The following MYBPC3 variants were observed in gnomAD, a reference collection of about 807,000 sequenced individuals.
The protein encoded by MYBPC3 is myosin binding protein C3, also known as myosin-binding protein C, cardiac-type.
A neutral mutation model predicts 159.3 loss-of-function variants in MYBPC3; 108 were observed. That is an observed-to-expected ratio of 0.68 (90% confidence interval 0.58 to 0.80). MYBPC3 has a LOEUF of 0.80. MYBPC3 is among the 30% of genes least tolerant of loss of function. The pLI is 0.00. For synonymous variants in MYBPC3, 730 were observed against 702.0 expected (o/e 1.04, Z -0.63); for missense variants, 1,631 against 1,762.1 (o/e 0.93, Z 1.33).
chr11:47,334,402 A>G (rs1364399057), intron 27 of MYBPC3, among the ~76,000 whole-genome samples: 1 of 152,220 alleles, frequency 6.6e-6, no homozygotes, highest in African/African-American at 2.4e-5. Context: ...GACAAGGAAC[A>G]AAGGAATGGG....
Position 47,350,036 on chromosome 11 carries a change from T to C in MYBPC3, c.483A>G (p.Pro161=), listed in dbSNP as rs373133807. 3.2e-6 allele frequency: 5 copies of C among 1,562,702 alleles called. No individual in the cohort carries two copies. The highest frequency in any genetic ancestry group is 4.3e-6 in the Non-Finnish European group (5 of 1,153,414). ...DDPIGLFVMR[P]QDGEVTVGGS... ...CACCCACGGTCACCTCGCCATCCTG[T>C]GGCCGCATCACGAAGAGGCCAATGG... Residue 161 remains proline (P), a synonymous_variant, in exon 4 of 35, where the codon CCA becomes CCG. Transcript: ENST00000545968.
Position 47,351,326 on chromosome 11 carries a change from G to C in MYBPC3, c.205C>G (p.Arg69Gly). The C allele has an allele frequency of 6.3e-7, 1 of 1,591,892 alleles. No homozygotes were observed. The highest frequency in any genetic ancestry group is 8.6e-7 in the Non-Finnish European group (1 of 1,169,508). Residue 69 changes from arginine to glycine, a missense_variant, in exon 2 of 35, where the codon CGG (arginine) becomes GGG (glycine). Transcript: ENST00000545968. The surrounding 1 kb of genome is among the most constrained non-coding windows in gnomAD (Gnocchi z 4.2). ...TEGTRHTLTV[R>G]EVGPADQGSY... ...CCCTGGTCGGCAGGGCCCACTTCCC[G>C]CACTGTCAGCGTATGCCGTGTGCCC...
At position 47,343,020 on chromosome 11, in the gene MYBPC3, C is replaced by T. The variant is rs727503204; in HGVS notation, c.1351+1G>A. On this transcript the variant is annotated splice_donor_variant, in intron 15 of 34. Coordinates refer to ENST00000545968, the MANE Select transcript of MYBPC3 (RefSeq NM_000256.3). LOFTEE classifies it high-confidence loss of function. ...CCCACATCCTCAGGTCCCAGGCCCA[C>T]CTTTCACAAAGAGCTCCGTGCTACA... 2 of 1,613,238 alleles carry T rather than the reference C, an allele frequency of 1.2e-6. No individual in the cohort carries two copies. Among genetic ancestry groups the T allele is most frequent in the Non-Finnish European group, 8.5e-7 (1 of 1,179,770 alleles).
Position 47,333,929 on chromosome 11 carries a change from G to T in MYBPC3, c.2987C>A (p.Pro996His). The change falls in exon 28 of 35, where the codon CCT becomes CAT. Residue 996 changes from proline (P) to histidine (H), a missense_variant. Physicochemically the swap from Pro to His is moderately conservative, Grantham distance 77. Coordinates refer to ENST00000545968, the MANE Select transcript of MYBPC3 (RefSeq NM_000256.3). ...KVGEPVNLLIPFQGKPRPQVT... is the reference protein window; with the variant it reads ...KVGEPVNLLIHFQGKPRPQVT... ...GAAGGGGGCCAGTCCCACCTGGAAA[G>T]GGATGAGAAGGTTCACAGGCTCCCC... is the stretch of plus-strand genomic sequence containing the variant. The T allele has an allele frequency of 1.3e-6, 2 of 1,573,996 alleles. No homozygotes were observed. The highest frequency in any genetic ancestry group is 2.3e-5 in the East Asian group (1 of 42,600).
At position 47,335,947 on chromosome 11, in the gene MYBPC3, C is replaced by A; in HGVS notation, c.2667G>T (p.Lys889Asn). 1 of 1,567,338 alleles carries A rather than the reference C, an allele frequency of 6.4e-7. No homozygotes were observed. Among genetic ancestry groups the A allele is most frequent in the South Asian group, 1.2e-5 (1 of 84,378 alleles). Residue 889 changes from lysine (K) to asparagine (N), a missense_variant, in exon 26 of 35, where the codon AAG becomes AAT. Transcript: ENST00000545968. ...EDVSDTTVSLKWRPPERVGAG... is the reference protein window; with the variant it reads ...EDVSDTTVSLNWRPPERVGAG... ...CTCCCACGCGCTCTGGGGGCCGCCA[C>A]TTGAGGGAGACCGTGGTGTCAGAGA...
At chr11:47,339,892 T>C in intron 20 of MYBPC3, 102 bp from the exon 21 acceptor site, 2 of 1,339,378 alleles carry the variant, frequency 1.5e-6, no homozygotes, top group Non-Finnish European at 2.1e-6. Context: ...GTTATTGGTT[T>C]TTTAGATTTG....
chr11:47,334,969 C>T (rs2095880773), intron 27 of MYBPC3, 73 bp downstream of exon 27: 3 of 1,400,874 alleles, frequency 2.1e-6, no homozygotes, highest in South Asian at 1.8e-5. Context: ...CCCCAACTGT[C>T]CCCACCTCCA....
Position 47,335,895 on chromosome 11 carries a change from C to T in MYBPC3, c.2719G>A (p.Glu907Lys). The change falls in exon 26 of 35, where the codon GAG becomes AAG. Residue 907 changes from glutamate to lysine, a missense_variant. Coordinates refer to ENST00000545968, the MANE Select transcript of MYBPC3 (RefSeq NM_000256.3). ...GAGGLDGYSV[E>K]YCPEGCSEWV... Reference sequence around the variant, plus strand: ...CACTCACAGCCCTCTGGGCAGTACTCCACGCTGTAGCCATCCAGGCCTCCT... The same window carrying T: ...CACTCACAGCCCTCTGGGCAGTACTTCACGCTGTAGCCATCCAGGCCTCCT... The T allele has an allele frequency of 6.5e-7, 1 of 1,534,792 alleles. No individual in the cohort carries two copies. The highest frequency in any genetic ancestry group is 8.8e-7 in the Non-Finnish European group (1 of 1,138,546).
chr11:47,349,797 C>T lies in MYBPC3; in HGVS notation c.631G>A (p.Asp211Asn), dbSNP rs773414747. Residue 211 changes from aspartate (D) to asparagine (N), a missense_variant, in exon 5 of 35, where the codon GAC (aspartate) becomes AAC (asparagine). Coordinates refer to ENST00000545968, the MANE Select transcript of MYBPC3 (RefSeq NM_000256.3). ...ACCTTGCTGGCGCGGTCGTAGCTGT[C>T]GTGCAGCTGCAGGTGCTGGCCCACC... ...SKVGQHLQLH[D>N]SYDRASKVYL... The T allele has an allele frequency of 5.0e-6, 8 of 1,608,424 alleles. No homozygotes were observed. The highest frequency in any genetic ancestry group is 3.3e-5 in the Admixed American group (2 of 59,916).
chr11:47,340,352 G>A (rs2095887325), intron 20 of MYBPC3, among the ~76,000 whole-genome samples: 1 of 152,172 alleles, frequency 6.6e-6, no homozygotes, highest in Admixed American at 6.5e-5. Context: ...AATAAATCAG[G>A]AATCTGCCCT....
intron 27 of MYBPC3, 134 bp from the exon 28 acceptor site, chr11:47,334,144 C>T: frequency 1.2e-6 from 1 of 814,584 alleles, no homozygotes; most frequent in Non-Finnish European, 1.9e-6. Context: ...CCTGCGCCTC[C>T]TTTAGCTCCT....
At position 47,333,907 on chromosome 11, in the gene MYBPC3, G is replaced by T; in HGVS notation, c.2994+15C>A. On this transcript the variant is annotated intron_variant, in intron 28 of 34. Coordinates refer to ENST00000545968, the MANE Select transcript of MYBPC3 (RefSeq NM_000256.3). Reference sequence around the variant, plus strand: ...CCTCTCTCCCCTGGGGGACAGGGAAGGGGGCCAGTCCCACCTGGAAAGGGA... The same window carrying T: ...CCTCTCTCCCCTGGGGGACAGGGAATGGGGCCAGTCCCACCTGGAAAGGGA... 1 of 1,564,122 alleles carries T rather than the reference G, an allele frequency of 6.4e-7. No individual in the cohort carries two copies. The highest frequency in any genetic ancestry group is 2.4e-5 in the East Asian group (1 of 41,958).
At chr11:47,349,480 G>A (rs1005592249) in intron 5 of MYBPC3, among the ~76,000 whole-genome samples, 9 of 149,674 alleles carry the variant, frequency 6.0e-5, no homozygotes, top group South Asian at 2.1e-4. Context: ...CACCCTGGGC[G>A]ACCCCCCACC....
intron 14 of MYBPC3, 23 bp from the exon 15 acceptor site, chr11:47,343,168 T>C (rs368038984): frequency 1.2e-6 from 2 of 1,605,960 alleles, no homozygotes; most frequent in Non-Finnish European, 8.5e-7. Flanking sequence ...CGCAGGGAAG[T>C]GGCAGGAAAG....
At chr11:47,352,562 TC>T (rs766060497) in intron 1 of MYBPC3, 60 bp downstream of exon 1, 2 of 1,591,606 alleles carry the variant, frequency 1.3e-6, no homozygotes, top group Non-Finnish European at 8.6e-7. Flanking sequence ...CTAGCCCTGC[TC>T]CCCAATTGTA....
chr11:47,341,961 C>T, intron 18 of MYBPC3, 30 bp downstream of exon 18: 2 of 1,552,178 alleles, frequency 1.3e-6, no homozygotes, highest in Middle Eastern at 1.7e-4. Context: ...CAGTCTCCAC[C>T]TGTCCCATCC....
rs1239729060 is a variant in MYBPC3, at chr11:47,333,318, G to A, written c.3206C>T (p.Pro1069Leu). 1 of 1,582,734 alleles carries A rather than the reference G, an allele frequency of 6.3e-7. No homozygotes were observed. Among genetic ancestry groups the A allele is most frequent in the Non-Finnish European group, 8.6e-7 (1 of 1,162,866 alleles). Residue 1069 changes from proline to leucine, a missense_variant, in exon 30 of 35, where the codon CCC becomes CTC. Pro to Leu is a moderately conservative substitution (Grantham distance 98). Transcript: ENST00000545968. Reference protein sequence around the residue: ...VLQVVDKPSPPQDLRVTDAWG... With the variant: ...VLQVVDKPSPLQDLRVTDAWG... The stretch of plus-strand genomic sequence containing the variant: ...GGCGTCAGTCACCCGGAGATCCTGG[G>A]GAGGACTTGGCTTGTCTGCGGGAGA...
At chr11:47,343,718 C>A (rs879732708) in intron 12 of MYBPC3, 94 bp from the exon 13 acceptor site, 10 of 1,260,364 alleles carry the variant, frequency 7.9e-6, no homozygotes, top group South Asian at 4.6e-5. Flanking sequence ...CCAGGTCCCC[C>A]CCTCCAATCC....
At chr11:47,348,715 C>A (rs1421228333) in intron 5 of MYBPC3, among the ~76,000 whole-genome samples, 174 bp from the exon 6 acceptor site, 1 of 151,350 alleles carries the variant, frequency 6.6e-6, no homozygotes, top group East Asian at 1.9e-4. Context: ...ACCAGCCTGG[C>A]CAACGTGGTG....
Sources: gnomAD v4.1 joint callset for allele counts (sites outside exome capture counted in the v4.1 genomes callset) on GRCh38, gnomAD v4.1.1 for gene constraint, Gnocchi (gnomAD v3.1) non-coding constraint, MANE v1.5 for transcripts, NCBI Gene and HGNC (gene_info 2026-07-23, HGNC 2026-07-21) for gene names.